PLPPR1: variants seen among roughly 807,000 people sequenced by gnomAD.
The protein encoded by PLPPR1 is phospholipid phosphatase-related protein type 1.
In PLPPR1, 10 loss-of-function variants were observed where a neutral mutation model predicts 33.1. The observed-to-expected ratio is 0.30, with a 90% CI of 0.19 to 0.51. The LOEUF is 0.51. Among genes scored for constraint, PLPPR1 ranks in the 20% least tolerant of loss-of-function variants. The pLI, the probability that PLPPR1 is intolerant of heterozygous loss-of-function variation, is 0.97. For synonymous variants in PLPPR1, 151 were observed against 151.0 expected (o/e 1.00, Z 0.00); for missense variants, 304 against 408.1 (o/e 0.74, Z 2.20).
intron 1 of PLPPR1, among the ~76,000 whole-genome samples, chr9:101,132,950 A>T (rs1238230608): frequency 6.6e-6 from 1 of 152,190 alleles, no homozygotes; most frequent in Non-Finnish European, 1.5e-5. Flanking sequence ...AGCAAGGATT[A>T]TGGTTGTGTT....
At chr9:101,313,305 A>C (rs1314945056) in intron 6 of PLPPR1, among the ~76,000 whole-genome samples, 2 of 152,140 alleles carry the variant, frequency 1.3e-5, no homozygotes, top group East Asian at 1.9e-4. Context: ...ATCTTCTCTA[A>C]GTATTTGTTC....
Position 101,285,888 on chromosome 9 carries a change from T to C in PLPPR1, c.253-216T>C, listed in dbSNP as rs547805486. Among the ~76,000 whole-genome samples, 7 of 152,364 alleles carry C rather than the reference T, an allele frequency of 4.6e-5. No individual in the cohort carries two copies. In the South Asian group the frequency reaches 1.4e-3, roughly 32 times the overall value. ...GTTTCCATGTGACCTTAGATTTTAA[T>C]ATTATAGGCTGAAACTCTATCTGAA... On this transcript the variant is annotated intron_variant, in intron 3 of 7. Coordinates refer to ENST00000374874, the MANE Select transcript of PLPPR1 (RefSeq NM_207299.2).
chr9:101,320,631 G>A (rs1829134923), intron 7 of PLPPR1, among the ~76,000 whole-genome samples: 1 of 152,134 alleles, frequency 6.6e-6, no homozygotes. Context: ...ATCCATACCA[G>A]TCGTGAAAAA....
intron 1 of PLPPR1, among the ~76,000 whole-genome samples, chr9:101,078,249 G>T: frequency 7.4e-6 from 1 of 134,702 alleles, no homozygotes; most frequent in African/African-American, 2.7e-5. Context: ...CTCCAGGTAG[G>T]GTCAGAGAAG....
intron 2 of PLPPR1, among the ~76,000 whole-genome samples, chr9:101,247,341 CA>C (rs1827629553): frequency 6.6e-6 from 1 of 152,056 alleles, no homozygotes; most frequent in African/African-American, 2.4e-5. Flanking sequence ...GCAACTCCAG[CA>C]GCCTTCCTCA....
rs1443211438 is a variant in PLPPR1, at chr9:101,270,079, A to T, written c.252+11A>T. On this transcript the variant is annotated intron_variant, in intron 3 of 7. Coordinates refer to ENST00000374874, the MANE Select transcript of PLPPR1 (RefSeq NM_207299.2). ...ACCCCAACTGCTATTGTAAGTACAG[A>T]AATAGACTTTCCTCTTTATTGTCAG... 1 of 1,613,484 alleles carries T rather than the reference A, an allele frequency of 6.2e-7. No homozygotes were observed. The highest frequency in any genetic ancestry group is 1.7e-5 in the Admixed American group (1 of 60,006).
chr9:101,108,397 A>G (rs1215737190), intron 1 of PLPPR1, among the ~76,000 whole-genome samples: 1 of 152,246 alleles, frequency 6.6e-6, no homozygotes, highest in Non-Finnish European at 1.5e-5. Flanking sequence ...GTAGGTGCTC[A>G]ATAGATGTTT....
chr9:101,138,876 C>T (rs1320520134), intron 1 of PLPPR1, among the ~76,000 whole-genome samples: 1 of 152,054 alleles, frequency 6.6e-6, no homozygotes, highest in Non-Finnish European at 1.5e-5. Context: ...ATGTTTTTTC[C>T]CCAGGGTTTG....
At chr9:101,136,944 C>A (rs537155253) in intron 1 of PLPPR1, among the ~76,000 whole-genome samples, 1 of 152,122 alleles carries the variant, frequency 6.6e-6, no homozygotes, top group East Asian at 1.9e-4. Context: ...ATTTATTGTA[C>A]ATTTTAAAAT....
At chr9:101,236,205 G>C (rs1702908272) in intron 2 of PLPPR1, among the ~76,000 whole-genome samples, 2 of 151,570 alleles carry the variant, frequency 1.3e-5, no homozygotes, top group African/African-American at 4.8e-5. Context: ...ACCTATCAAA[G>C]CAAACTATAG....
intron 4 of PLPPR1, among the ~76,000 whole-genome samples, chr9:101,301,485 T>A (rs1466778361): frequency 1.3e-5 from 2 of 152,200 alleles, no homozygotes; most frequent in Non-Finnish European, 2.9e-5. Context: ...TTTTAACAGA[T>A]AAAGTGACTA....
At chr9:101,081,482 C>T (rs1009658280) in intron 1 of PLPPR1, among the ~76,000 whole-genome samples, 2 of 152,140 alleles carry the variant, frequency 1.3e-5, no homozygotes, top group Non-Finnish European at 2.9e-5. Flanking sequence ...CATAAGCCAC[C>T]ATGCCCGGCC....
chr9:101,091,568 C>T (rs901586753), intron 1 of PLPPR1, among the ~76,000 whole-genome samples: 4 of 152,144 alleles, frequency 2.6e-5, no homozygotes, highest in African/African-American at 9.7e-5. Context: ...CCTCTTCCAC[C>T]CTTAAGGCTC....
At chr9:101,083,169 T>G (rs953364670) in intron 1 of PLPPR1, among the ~76,000 whole-genome samples, 1 of 151,882 alleles carries the variant, frequency 6.6e-6, no homozygotes, top group African/African-American at 2.4e-5. Context: ...TTTTGTTTTC[T>G]TTTTTTTGAG....
At chr9:101,321,246 G>T (rs1354553071) in intron 7 of PLPPR1, among the ~76,000 whole-genome samples, 3 of 152,156 alleles carry the variant, frequency 2.0e-5, no homozygotes, top group African/African-American at 7.2e-5. Context: ...GACTGGATGG[G>T]GAGGGCATCA....
chr9:101,045,932 T>C (rs759600853), intron 1 of PLPPR1, among the ~76,000 whole-genome samples: 3 of 152,218 alleles, frequency 2.0e-5, no homozygotes, highest in Non-Finnish European at 4.4e-5. Context: ...TCCCCTTTCC[T>C]TGATCTTAGA....
At chr9:101,261,856 C>T (rs1220955234) in intron 2 of PLPPR1, among the ~76,000 whole-genome samples, 1 of 151,918 alleles carries the variant, frequency 6.6e-6, no homozygotes, top group Non-Finnish European at 1.5e-5. Context: ...GGCAGAGGAT[C>T]AGGAAAAATA....
intron 2 of PLPPR1, among the ~76,000 whole-genome samples, chr9:101,252,706 A>C (rs1827733457): frequency 6.6e-6 from 1 of 152,112 alleles, no homozygotes; most frequent in Admixed American, 6.6e-5. Flanking sequence ...CTCATGGAGA[A>C]AGAAGAATCA....
intron 1 of PLPPR1, among the ~76,000 whole-genome samples, chr9:101,075,452 A>G (rs943018306): frequency 1.3e-5 from 2 of 152,186 alleles, no homozygotes; most frequent in African/African-American, 4.8e-5. Context: ...CTAACTTTCT[A>G]ATTACAAATG....
Sources: allele counts gnomAD v4.1 joint callset (sites outside exome capture counted in the v4.1 genomes callset), GRCh38; gene constraint gnomAD v4.1.1; transcripts MANE v1.5; gene names NCBI Gene and HGNC (gene_info 2026-07-23, HGNC 2026-07-21).